LNX2: variants seen among roughly 807,000 people sequenced by gnomAD.
The protein encoded by LNX2 is ligand of numb-protein X 2.
A neutral mutation model predicts 66.2 loss-of-function variants in LNX2; 35 were observed. The ratio of observed to expected loss-of-function variants is 0.53; its 90% CI spans 0.40 to 0.70. The LOEUF (loss-of-function observed/expected upper bound fraction) is 0.70, where lower values mean the gene tolerates loss of function less well. Among genes scored for constraint, LNX2 ranks in the 30% least tolerant of loss-of-function variants. The pLI is 0.00. For missense variants in LNX2, 791 were observed against 850.8 expected, an observed-to-expected ratio of 0.93 and a Z score of 0.87; for synonymous variants, 337 against 315.6, an observed-to-expected ratio of 1.07 and a Z score of -0.72.
At chr13:27,616,803 G>A (rs575698884) in intron 1 of LNX2, among the ~76,000 whole-genome samples, 1 of 152,310 alleles carries the variant, frequency 6.6e-6, no homozygotes, top group South Asian at 2.1e-4. Flanking sequence ...AGGCTGGAGC[G>A]CAGTGGCGCA....
chr13:27,561,140 G>A (rs1398107266), intron 5 of LNX2, among the ~76,000 whole-genome samples: 1 of 152,112 alleles, frequency 6.6e-6, no homozygotes, highest in Non-Finnish European at 1.5e-5. Context: ...TATAAAATAT[G>A]ATCACGGACA....
chr13:27,566,344 A>G (rs76956886), intron 4 of LNX2, among the ~76,000 whole-genome samples: 5,909 of 152,280 alleles, frequency 0.039, 139 homozygotes, highest in East Asian at 0.092. Flanking sequence ...TGGCTCTTCC[A>G]CTAGATTGTA....
At chr13:27,612,504 TGCCA>T (rs1442230606) in intron 1 of LNX2, among the ~76,000 whole-genome samples, 1 of 152,258 alleles carries the variant, frequency 6.6e-6, no homozygotes. Flanking sequence ...AAACACCCTA[TGCCA>T]GCATCATCCA....
At chr13:27,594,071 T>A (rs1955572590) in intron 1 of LNX2, among the ~76,000 whole-genome samples, 1 of 152,202 alleles carries the variant, frequency 6.6e-6, no homozygotes. Flanking sequence ...GAACAAAATT[T>A]GGACTCCTAC....
intron 2 of LNX2, among the ~76,000 whole-genome samples, chr13:27,576,657 G>A (rs999228997): frequency 6.6e-6 from 1 of 151,910 alleles, no homozygotes; most frequent in Non-Finnish European, 1.5e-5. Context: ...CCCAGCAGGT[G>A]GAGGCTGCAG....
intron 1 of LNX2, among the ~76,000 whole-genome samples, chr13:27,618,339 ACT>A (rs2138499166): frequency 6.6e-6 from 1 of 152,164 alleles, no homozygotes; most frequent in African/African-American, 2.4e-5. Flanking sequence ...TATCCCCCAA[ACT>A]CTGAGATGAC....
chr13:27,551,010 G>A (rs1304330451), intron 8 of LNX2, among the ~76,000 whole-genome samples: 1 of 152,142 alleles, frequency 6.6e-6, no homozygotes, highest in African/African-American at 2.4e-5. Flanking sequence ...GTCTACATGA[G>A]GAGTTATTTG....
intron 6 of LNX2, among the ~76,000 whole-genome samples, chr13:27,559,159 T>A (rs1193841786): frequency 2.0e-5 from 3 of 152,114 alleles, no homozygotes; most frequent in East Asian, 3.9e-4. Flanking sequence ...CCTTTCAGAT[T>A]TTTGGACTGA....
intron 4 of LNX2, among the ~76,000 whole-genome samples, chr13:27,563,135 T>A (rs555838806): frequency 6.6e-6 from 1 of 152,306 alleles, no homozygotes; most frequent in East Asian, 1.9e-4. Flanking sequence ...GTTTACTTCA[T>A]GGGATCAGTA....
At chr13:27,600,737 C>T (rs1955648560) in intron 1 of LNX2, among the ~76,000 whole-genome samples, 1 of 152,078 alleles carries the variant, frequency 6.6e-6, no homozygotes, top group Non-Finnish European at 1.5e-5. Context: ...AGTGTCAGAC[C>T]CCTTGTTCTG....
chr13:27,555,711 T>C (rs1383187996), intron 7 of LNX2, among the ~76,000 whole-genome samples: 1 of 152,228 alleles, frequency 6.6e-6, no homozygotes, highest in Non-Finnish European at 1.5e-5. Flanking sequence ...AGAGTCACTT[T>C]TCTTACCTTA....
intron 2 of LNX2, among the ~76,000 whole-genome samples, chr13:27,575,932 T>G (rs973196003): frequency 2.6e-5 from 4 of 151,882 alleles, no homozygotes; most frequent in African/African-American, 9.7e-5. Context: ...AAAAAAGAAA[T>G]AAGACATATA....
chr13:27,588,020 A>AC (rs1955509456), intron 1 of LNX2, among the ~76,000 whole-genome samples: 1 of 62,438 alleles, frequency 1.6e-5, no homozygotes, highest in Non-Finnish European at 2.9e-5. Context: ...GACTCTTGTC[A>AC]CAAAAAAAAA....
rs1018968693 is a variant in LNX2 at position 27,597,799 on chromosome 13, GA to G, written c.-100-15997del. 9.5e-4 allele frequency among the ~76,000 whole-genome samples: 144 copies of G among 152,234 alleles called. 1 individual carries two copies. Among genetic ancestry groups the G allele is most frequent in the African/African-American group, 3.2e-3 (134 of 41,546 alleles). ...AGAGAGAAAGAAGAAAAGCGGGTAA[GA>G]AAAGGTGTTAGCATACCATAACCAG... is the stretch of plus-strand genomic sequence containing the variant. On this transcript the variant is annotated intron_variant, in intron 1 of 9. Transcript: ENST00000316334.
intron 7 of LNX2, among the ~76,000 whole-genome samples, chr13:27,555,788 T>G (rs1955052930): frequency 6.6e-6 from 1 of 152,212 alleles, no homozygotes; most frequent in African/African-American, 2.4e-5. Context: ...GCAACCCCCA[T>G]CTATGCAAAT....
chr13:27,586,015 TATA>T, intron 1 of LNX2, among the ~76,000 whole-genome samples: 1 of 148,344 alleles, frequency 6.7e-6, no homozygotes, highest in Admixed American at 6.8e-5. Flanking sequence ...TATATATATA[TATA>T]CTTACATACA....
chr13:27,567,766 A>C lies in LNX2; in HGVS notation c.729T>G (p.Ile243Met). 6.2e-7 allele frequency: 1 copy of C among 1,613,820 alleles called. No individual in the cohort carries two copies. The highest frequency in any genetic ancestry group is 8.5e-7 in the Non-Finnish European group (1 of 1,179,792). Residue 243 changes from isoleucine to methionine, a missense_variant, in exon 4 of 10, where the codon ATT becomes ATG. Ile to Met is a conservative substitution (Grantham distance 10). Coordinates refer to ENST00000316334, the MANE Select transcript of LNX2 (RefSeq NM_153371.4). The stretch of plus-strand genomic sequence containing the variant: ...CACCCACAATGCTGATTCCTAACTG[A>C]ATGTAAGGATTGGACCGATGAATTT... Reference protein sequence around the residue: ...TIEIHRSNPYIQLGISIVGGN... With the variant: ...TIEIHRSNPYMQLGISIVGGN...
At chr13:27,560,565 G>GCATATATATATATATATA (rs1242930383) in intron 5 of LNX2, among the ~76,000 whole-genome samples, 12 of 120,010 alleles carry the variant, frequency 1.0e-4, no homozygotes, top group South Asian at 2.6e-4. Context: ...ATGTATGTGT[G>GCATATATATATATATATA]TATATATATA....
At position 27,547,015 on chromosome 13, in the gene LNX2, G is replaced by T. The variant is rs1593234441; in HGVS notation, c.*1320C>A. The T allele has an allele frequency of 6.6e-6, 1 of 151,928 alleles. No homozygotes were observed. The highest frequency in any genetic ancestry group is 2.4e-5 in the African/African-American group (1 of 41,360). The allele number at this position is 151,928 out of a possible 1,614,324, so 9.4% of individuals were successfully genotyped here. ...AACAGAACTTTTCTGTCTCCTACTTGAAACAACTAATCTCATAAGAAATAA... is the reference window on the plus strand; with the variant it reads ...AACAGAACTTTTCTGTCTCCTACTTTAAACAACTAATCTCATAAGAAATAA... On this transcript the variant is annotated 3_prime_UTR_variant, in exon 10 of 10. Transcript: ENST00000316334.
Sources: allele counts gnomAD v4.1 joint callset (sites outside exome capture counted in the v4.1 genomes callset), GRCh38; gene constraint gnomAD v4.1.1; transcripts MANE v1.5; gene names NCBI Gene and HGNC (gene_info 2026-07-23, HGNC 2026-07-21).